The following TTC6 variants were observed in gnomAD, a reference collection of about 807,000 sequenced individuals.
TTC6 encodes tetratricopeptide repeat domain 6.
In TTC6, 172 loss-of-function variants were observed where a neutral mutation model predicts 210.4. The ratio of observed to expected loss-of-function variants is 0.82; its 90% CI spans 0.72 to 0.93. The LOEUF is 0.93. TTC6 is among the 40% of genes least tolerant of loss of function. The pLI, the probability that TTC6 is intolerant of heterozygous loss-of-function variation, is 0.00. For missense variants in TTC6, 2,414 were observed against 2,318.1 expected, an observed-to-expected ratio of 1.04 and a Z score of -0.85; for synonymous variants, 804 against 819.6, an observed-to-expected ratio of 0.98 and a Z score of 0.32.
chr14:37,800,158 A>G (rs61978460), intron 20 of TTC6, among the ~76,000 whole-genome samples: 57,067 of 151,948 alleles, frequency 0.38, 11,460 homozygotes, highest in Non-Finnish European at 0.46. Context: ...ATCACCTCAA[A>G]CAGACTCTTA....
chr14:37,610,955 A>G (rs1196433397), intron 2 of TTC6, among the ~76,000 whole-genome samples: 2 of 152,226 alleles, frequency 1.3e-5, no homozygotes, highest in African/African-American at 4.8e-5. Context: ...AAACGCAGAA[A>G]GAGCAAGAGT....
At chr14:37,660,859 C>G (rs966088782) in intron 1 of TTC6, among the ~76,000 whole-genome samples, 3 of 152,162 alleles carry the variant, frequency 2.0e-5, no homozygotes, top group Non-Finnish European at 4.4e-5. Context: ...TGTTTCTTGA[C>G]TTTTTAATAC....
At chr14:37,777,210 C>A (rs1478512789) in intron 14 of TTC6, among the ~76,000 whole-genome samples, 1 of 152,148 alleles carries the variant, frequency 6.6e-6, no homozygotes, top group Non-Finnish European at 1.5e-5. Context: ...TCCTTGATTT[C>A]TCTCCCTTTC....
intron 1 of TTC6, among the ~76,000 whole-genome samples, chr14:37,630,778 T>C (rs2095667902): frequency 1.3e-5 from 2 of 152,096 alleles, no homozygotes; most frequent in African/African-American, 2.4e-5. Context: ...ATTGGGTGCA[T>C]ATATATTTAG....
At chr14:37,706,177 T>G (rs547366183) in intron 5 of TTC6, among the ~76,000 whole-genome samples, 32 of 152,240 alleles carry the variant, frequency 2.1e-4, no homozygotes, top group African/African-American at 7.7e-4. Flanking sequence ...TGGGAAAGCA[T>G]TGATAGGTTT....
chr14:37,684,931 G>A (rs2095790958), intron 3 of TTC6, among the ~76,000 whole-genome samples: 2 of 152,138 alleles, frequency 1.3e-5, no homozygotes, highest in South Asian at 4.1e-4. Flanking sequence ...GACTTTAATT[G>A]CTCAGATATA....
chr14:37,800,554 C>G (rs2139384529), intron 20 of TTC6, among the ~76,000 whole-genome samples: 1 of 152,266 alleles, frequency 6.6e-6, no homozygotes, highest in Non-Finnish European at 1.5e-5. Flanking sequence ...TTAGAAGGAT[C>G]ATGAGGGCAG....
chr14:37,626,301 A>C (rs1362935255), intron 1 of TTC6, among the ~76,000 whole-genome samples: 1 of 152,214 alleles, frequency 6.6e-6, no homozygotes, highest in Non-Finnish European at 1.5e-5. Context: ...TGTTAATTGG[A>C]GGATGAAGTA....
intron 14 of TTC6, among the ~76,000 whole-genome samples, chr14:37,768,035 C>A (rs1044982532): frequency 2.0e-5 from 3 of 150,630 alleles, no homozygotes; most frequent in African/African-American, 7.3e-5. Context: ...CCAGTTTTCC[C>A]AGCACCATTT....
rs972280535 is a variant in TTC6, at chr14:37,678,872, GT to G, written c.940-1276del. Among the ~76,000 whole-genome samples the G allele has an allele frequency of 3.3e-4, 50 of 152,116 alleles. 1 individual carries two copies. The highest frequency in any genetic ancestry group is 6.6e-5 in the Admixed American group (1 of 15,242). ...ATAAGAGTTTTAAGGTACAATGGGAGTTTGAATCTTGCTGTTGACATTACTA... is the reference window on the plus strand; with the variant it reads ...ATAAGAGTTTTAAGGTACAATGGGAGTTGAATCTTGCTGTTGACATTACTA... On this transcript the variant is annotated intron_variant, in intron 1 of 30. Coordinates refer to ENST00000553443, the Ensembl canonical transcript of TTC6.
intron 3 of TTC6, among the ~76,000 whole-genome samples, chr14:37,688,567 C>T (rs2095798044): frequency 1.3e-5 from 2 of 152,054 alleles, no homozygotes; most frequent in African/African-American, 4.8e-5. Flanking sequence ...TCACTCCATC[C>T]CCAGCTCCAG....
chr14:37,624,691 C>T (rs985033710), intron 1 of TTC6, among the ~76,000 whole-genome samples: 4 of 151,860 alleles, frequency 2.6e-5, no homozygotes, highest in Admixed American at 1.3e-4. Context: ...GTGTGGTCTC[C>T]GCTCACTGCC....
intron 27 of TTC6, among the ~76,000 whole-genome samples, chr14:37,824,249 C>G (rs765965156): frequency 2.6e-5 from 4 of 152,070 alleles, no homozygotes; most frequent in Non-Finnish European, 5.9e-5. Flanking sequence ...TTACAAACAA[C>G]TTTTAAAATT....
intron 1 of TTC6, among the ~76,000 whole-genome samples, chr14:37,602,606 C>G (rs1056692225): frequency 2.0e-5 from 3 of 152,180 alleles, no homozygotes; most frequent in Admixed American, 6.5e-5. Context: ...CCTCCCACCC[C>G]CACTGTCCCA....
chr14:37,692,504 T>A (rs2095805761), intron 3 of TTC6, among the ~76,000 whole-genome samples: 1 of 152,076 alleles, frequency 6.6e-6, no homozygotes, highest in Non-Finnish European at 1.5e-5. Context: ...CATCCCGTCA[T>A]GAACAACAAA....
At chr14:37,727,996 C>T (rs2095877130) in intron 7 of TTC6, among the ~76,000 whole-genome samples, 1 of 152,156 alleles carries the variant, frequency 6.6e-6, no homozygotes, top group African/African-American at 2.4e-5. Context: ...GCAGAGCACA[C>T]CTTAGGAATC....
chr14:37,708,505 C>A (rs1595133712), intron 5 of TTC6, among the ~76,000 whole-genome samples: 1 of 151,922 alleles, frequency 6.6e-6, no homozygotes, highest in Non-Finnish European at 1.5e-5. Flanking sequence ...GGATTCAAGC[C>A]CAGGTCTTTA....
At position 37,632,341 on chromosome 14, in the gene TTC6, T is replaced by C. The variant is rs560315487; in HGVS notation, c.939+9338T>C. The stretch of plus-strand genomic sequence containing the variant: ...GGTTGATGTTGAGGCTATTCTTTTC[T>C]GTTTGTTAATTTACCTTCAAACAGT... On this transcript the variant is annotated intron_variant, in intron 1 of 30. Transcript: ENST00000553443. Among the ~76,000 whole-genome samples the C allele has an allele frequency of 4.6e-5, 7 of 152,364 alleles. No individual in the cohort carries two copies. The South Asian group carries it at 1.4e-3, about 32-fold the overall frequency.
intron 3 of TTC6, among the ~76,000 whole-genome samples, chr14:37,694,523 T>G (rs1254015467): frequency 6.6e-6 from 1 of 152,052 alleles, no homozygotes; most frequent in Non-Finnish European, 1.5e-5. Context: ...TGGAGGTTCC[T>G]CAAAAAACTA....
Sources: gnomAD v4.1 joint callset for allele counts (sites outside exome capture counted in the v4.1 genomes callset) on GRCh38, gnomAD v4.1.1 for gene constraint, MANE v1.5 for transcripts, NCBI Gene and HGNC (gene_info 2026-07-23, HGNC 2026-07-21) for gene names.